Variants in MCPH1 observed in about 807,000 individuals in gnomAD.
The protein encoded by MCPH1 is microcephalin.
In MCPH1, 104 loss-of-function variants were observed where a neutral mutation model predicts 84.5. The observed-to-expected ratio is 1.23, with a 90% CI of 1.05 to 1.45. MCPH1 has a LOEUF of 1.45. MCPH1 is among the 40% of genes most tolerant of loss of function. MCPH1 has a pLI of 0.00. For missense variants in MCPH1, 1,498 were observed against 1,005.7 expected, an observed-to-expected ratio of 1.49 and a Z score of -6.62; for synonymous variants, 514 against 366.8, an observed-to-expected ratio of 1.40 and a Z score of -4.58.
chr8:6,552,994 G>A (rs948819153), intron 12 of MCPH1, among the ~76,000 whole-genome samples: 11 of 152,286 alleles, frequency 7.2e-5, no homozygotes, highest in African/African-American at 2.6e-4. Flanking sequence ...AGGATTCTTA[G>A]GGCAGTGAAG....
chr8:6,490,057 G>T (rs1333501601), intron 11 of MCPH1, among the ~76,000 whole-genome samples: 2 of 152,058 alleles, frequency 1.3e-5, no homozygotes, highest in Admixed American at 6.6e-5. Flanking sequence ...CAGGTCTTCA[G>T]TGTAGATCTC....
At chr8:6,613,513 C>T (rs751932981) in intron 12 of MCPH1, among the ~76,000 whole-genome samples, 5 of 151,698 alleles carry the variant, frequency 3.3e-5, no homozygotes, top group Admixed American at 2.6e-4. Flanking sequence ...GGGAGTCAGT[C>T]GCATCCGCTG....
chr8:6,539,265 T>C (rs1821081200), intron 12 of MCPH1, among the ~76,000 whole-genome samples: 1 of 152,220 alleles, frequency 6.6e-6, no homozygotes, highest in Admixed American at 6.5e-5. Flanking sequence ...TTTCTCCATA[T>C]ATTGATGCCA....
At chr8:6,563,499 T>C (rs1430498700) in intron 12 of MCPH1, 3 of 152,412 alleles carry the variant, frequency 2.0e-5, no homozygotes, top group Non-Finnish European at 4.4e-5. Flanking sequence ...AAGTATTTCC[T>C]AGAGAGAGCA....
intron 12 of MCPH1, among the ~76,000 whole-genome samples, chr8:6,535,577 G>T (rs1820333290): frequency 2.0e-5 from 3 of 151,992 alleles, no homozygotes; most frequent in Admixed American, 2.0e-4. Context: ...ATACAGATAG[G>T]TATATAGCAT....
chr8:6,552,725 C>G lies in MCPH1; in HGVS notation c.2214+52796C>G, dbSNP rs570020477. Among the ~76,000 whole-genome samples the G allele has an allele frequency of 2.0e-5, 3 of 152,204 alleles. No homozygotes were observed. The South Asian group carries it at 6.2e-4, about 32-fold the overall frequency. On this transcript the variant is annotated intron_variant, in intron 12 of 13. Transcript: ENST00000344683. ...AAGTTCACTGATGTAGGTAAGAAAA[C>G]TGGTACCGTTTCTGAAGATACACAG... is the stretch of plus-strand genomic sequence containing the variant.
At chr8:6,414,210 G>T (rs1168716386) in intron 2 of MCPH1, among the ~76,000 whole-genome samples, 1 of 152,144 alleles carries the variant, frequency 6.6e-6, no homozygotes, top group African/African-American at 2.4e-5. Flanking sequence ...GTTTCACCAG[G>T]TTGGCTAGGC....
chr8:6,470,226 A>G (rs1265463897), intron 9 of MCPH1, among the ~76,000 whole-genome samples: 1 of 152,172 alleles, frequency 6.6e-6, no homozygotes, highest in Non-Finnish European at 1.5e-5. Flanking sequence ...AGCTGTCCAT[A>G]TAATAGAATT....
rs547478623 is a variant in MCPH1, at chr8:6,445,176, G to A, written c.1454G>A (p.Arg485Gln). 14 of 1,614,192 alleles carry A rather than the reference G, an allele frequency of 8.7e-6. No homozygotes were observed. The highest frequency in any genetic ancestry group is 6.7e-5 in the African/African-American group (5 of 75,050). Residue 485 changes from arginine to glutamine, a missense_variant, in exon 8 of 14, where the codon CGG becomes CAG. Coordinates refer to ENST00000344683, the MANE Select transcript of MCPH1 (RefSeq NM_024596.5). ...NFTAKTISSPRKTGNGEGRAT... is the reference protein window; with the variant it reads ...NFTAKTISSPQKTGNGEGRAT... ...ACAGCAAAAACCATCTCCAGTCCTC[G>A]GAAAACTGGAAATGGTGAAGGCCGT...
chr8:6,595,179 G>A (rs111677555), intron 12 of MCPH1, among the ~76,000 whole-genome samples: 438 of 152,278 alleles, frequency 2.9e-3, no homozygotes, highest in Non-Finnish European at 4.1e-3. Context: ...ACTCAGCTGC[G>A]AGGCACTGCC....
At chr8:6,566,404 G>T (rs1303666542) in intron 12 of MCPH1, among the ~76,000 whole-genome samples, 1 of 151,722 alleles carries the variant, frequency 6.6e-6, no homozygotes, top group Non-Finnish European at 1.5e-5. Flanking sequence ...GGTCAGCAAG[G>T]CCATCCACAG....
At chr8:6,617,922 T>TCTATCTAC (rs1199951369) in intron 12 of MCPH1, among the ~76,000 whole-genome samples, 26 of 151,370 alleles carry the variant, frequency 1.7e-4, no homozygotes, top group Non-Finnish European at 3.4e-4. Flanking sequence ...TATCTATCTA[T>TCTATCTAC]CTATCTATCT....
intron 2 of MCPH1, 45 bp from the exon 3 acceptor site, chr8:6,414,720 G>C (rs1304032083): frequency 1.9e-6 from 3 of 1,603,448 alleles, no homozygotes; most frequent in African/African-American, 1.3e-5. Flanking sequence ...GTTAAGTTGT[G>C]AATGAACAGT....
At chr8:6,611,118 TCACACACACACTCACACACA>T (rs1830221410) in intron 12 of MCPH1, among the ~76,000 whole-genome samples, 1 of 139,324 alleles carries the variant, frequency 7.2e-6, no homozygotes, top group Non-Finnish European at 1.5e-5. Context: ...ACACACTCTC[TCACACACACACTCACACACA>T]CACACACACA....
chr8:6,596,093 C>T (rs934970174), intron 12 of MCPH1, among the ~76,000 whole-genome samples: 2 of 152,144 alleles, frequency 1.3e-5, no homozygotes, highest in Non-Finnish European at 2.9e-5. Context: ...AGAGCACACC[C>T]GTGGAGTGGC....
intron 13 of MCPH1, among the ~76,000 whole-genome samples, chr8:6,640,574 G>C (rs1481307551): frequency 6.6e-6 from 1 of 152,122 alleles, no homozygotes; most frequent in African/African-American, 2.4e-5. Flanking sequence ...TTACAGCAAT[G>C]TTTACATAAT....
intron 3 of MCPH1, among the ~76,000 whole-genome samples, chr8:6,420,375 C>T (rs1799992878): frequency 6.6e-6 from 1 of 152,132 alleles, no homozygotes; most frequent in South Asian, 2.1e-4. Context: ...GCGTATTCTC[C>T]CCGACTTTCT....
chr8:6,419,700 A>G (rs377257239), intron 3 of MCPH1, among the ~76,000 whole-genome samples: 28 of 151,736 alleles, frequency 1.8e-4, no homozygotes, highest in Non-Finnish European at 3.5e-4. Context: ...TTTTATAGAG[A>G]TGGGATCTTA....
rs946723671 is a variant in MCPH1, at chr8:6,627,024, T to C, written c.2452+5333T>C. On this transcript the variant is annotated intron_variant, in intron 13 of 13. Transcript: ENST00000344683. ...GTTTAGCCTCCGCCTGATTTTCTTA[T>C]AACTTATAAAGAAAATTTGGTTTGA... 1.2e-5 allele frequency: 12 copies of C among 985,000 alleles called. No individual in the cohort carries two copies. The South Asian group carries it at 1.9e-4, about 15-fold the overall frequency. The allele number at this position is 985,000 out of a possible 1,614,324, so 61.0% of individuals were successfully genotyped here.
Sources: allele counts gnomAD v4.1 joint callset (sites outside exome capture counted in the v4.1 genomes callset), GRCh38; gene constraint gnomAD v4.1.1; transcripts MANE v1.5; gene names NCBI Gene and HGNC (gene_info 2026-07-23, HGNC 2026-07-21).